Variants in IQSEC2 observed in about 807,000 individuals in gnomAD.
IQSEC2 encodes IQ motif and Sec7 domain ArfGEF 2, also known as IQ motif and SEC7 domain-containing protein 2.
A neutral mutation model predicts 74.6 loss-of-function variants in IQSEC2; 6 were observed. The ratio of observed to expected loss-of-function variants is 0.08; its 90% CI spans 0.04 to 0.16. The LOEUF is 0.16. Among genes scored for constraint, IQSEC2 ranks in the 10% least tolerant of loss-of-function variants. IQSEC2 has a pLI of 1.00. For missense variants in IQSEC2, 734 were observed against 1,306.2 expected (o/e 0.56, Z 6.75); for synonymous variants, 494 against 544.5 (o/e 0.91, Z 1.29).
rs191802124 is a variant in IQSEC2 at position 53,254,659 on chromosome X, G to A, written c.1272C>T (p.His424=). The A allele has an allele frequency of 8.3e-7, 1 of 1,208,768 alleles. No individual in the cohort carries two copies. The highest frequency in any genetic ancestry group is 3.0e-5 in the East Asian group (1 of 33,719). ...CATATGGGAGCCCCCGTTCAAGCCG[G>A]TGGCTCCGGGCACCAGCCATGGCAC... ...DEGAMAGARS[H]RLERGLPYGG... is the part of the protein sequence containing the mutation. Residue 424 remains histidine, a synonymous_variant, in exon 4 of 15, where the codon CAC becomes CAT. Transcript: ENST00000642864.
rs1254056014 is a variant in IQSEC2 at position 53,266,961 on chromosome X, TCA to T, written c.738-10902_738-10901del. 7.0e-6 allele frequency: 8 copies of T among 1,150,923 alleles called. No individual in the cohort carries two copies. The Admixed American group carries it at 1.8e-4, about 26-fold the overall frequency. The allele number at this position is 1,150,923 out of a possible 1,213,427, so 94.8% of individuals were successfully genotyped here. ...TGCATAGAAAATGGCCCTTGTCCTC[TCA>T]GTTACCGAGAGGAGGGACTACTGCA... On this transcript the variant is annotated intron_variant, in intron 2 of 14. Coordinates refer to ENST00000642864, the MANE Select transcript of IQSEC2 (RefSeq NM_001111125.3).
intron 2 of IQSEC2, chrX:53,267,159 G>T: frequency 1.9e-6 from 2 of 1,073,254 alleles, no homozygotes; most frequent in Non-Finnish European, 2.4e-6. Context: ...TACGCGAAGG[G>T]CCAGGACCGG....
At chrX:53,252,032 C>T (rs976030445) in intron 4 of IQSEC2, among the ~76,000 whole-genome samples, 1 of 112,495 alleles carries the variant, frequency 8.9e-6, no homozygotes, top group Non-Finnish European at 1.9e-5. Flanking sequence ...TACACTCCAG[C>T]CTGGCAACAG....
At chrX:53,239,150 C>T (rs2074179758) in intron 11 of IQSEC2, 45 bp downstream of exon 11, 1 of 974,275 alleles carries the variant, frequency 1.0e-6, no homozygotes, top group East Asian at 3.1e-5. Context: ...AGCATGGGGG[C>T]CATGACATAG....
intron 9 of IQSEC2, among the ~76,000 whole-genome samples, chrX:53,242,776 C>T (rs1556861184): frequency 9.0e-6 from 1 of 111,195 alleles, no homozygotes; most frequent in African/African-American, 3.3e-5. Context: ...GCTCTGTGGC[C>T]CCAGGCTGGA....
Position 53,234,789 on chromosome X carries a change from G to A in IQSEC2, c.3897C>T (p.Pro1299=). Residue 1299 remains proline, a synonymous_variant, in exon 15 of 15, where the codon CCC becomes CCT. Coordinates refer to ENST00000642864, the MANE Select transcript of IQSEC2 (RefSeq NM_001111125.3). The part of the protein sequence containing the change: ...SLPPPPQQPP[P]LPQLGSIPPP... ...GTGGAATGGAGCCCAGCTGGGGCAA[G>A]GGTGGGGGCTGCTGGGGAGGTGGGG... The A allele has an allele frequency of 9.0e-7, 1 of 1,116,499 alleles. No individual in the cohort carries two copies. The highest frequency in any genetic ancestry group is 1.2e-6 in the Non-Finnish European group (1 of 846,341). 92.0% of individuals were successfully genotyped at this position (1,116,499 alleles called of 1,213,427 possible).
At chrX:53,264,897 C>T (rs1556867337) in intron 2 of IQSEC2, among the ~76,000 whole-genome samples, 2 of 102,890 alleles carry the variant, frequency 1.9e-5, no homozygotes, top group South Asian at 4.7e-4. Flanking sequence ...ATGGAGAGCT[C>T]GCAGAGGACA....
Position 53,321,152 on chromosome X carries a change from C to G in IQSEC2, c.-29G>C. 1.1e-6 allele frequency: 1 copy of G among 941,461 alleles called. No homozygotes were observed. The highest frequency in any genetic ancestry group is 1.5e-6 in the Non-Finnish European group (1 of 680,760). 77.6% of individuals were successfully genotyped at this position (941,461 alleles called of 1,213,427 possible). ...GGCGGCCCAGGGGCAGGGGAACGGG[C>G]AGGAGAGCCCTGTCCCCGCTCTCTC... On this transcript the variant is annotated 5_prime_UTR_variant, in exon 1 of 15. Transcript: ENST00000642864.
At chrX:53,279,536 T>G in intron 2 of IQSEC2, 1 of 938,895 alleles carries the variant, frequency 1.1e-6, no homozygotes, top group Non-Finnish European at 1.5e-6. Flanking sequence ...GGAGGAGGAA[T>G]TGGGGGAGGG....
chrX:53,305,606 T>C (rs2075253648), intron 1 of IQSEC2, among the ~76,000 whole-genome samples: 1 of 112,253 alleles, frequency 8.9e-6, no homozygotes, highest in Non-Finnish European at 1.9e-5. Context: ...GTTCTTCTCA[T>C]TGTATGGATG....
intron 6 of IQSEC2, 29 bp from the exon 7 acceptor site, chrX:53,248,265 T>C (rs2074337075): frequency 8.3e-7 from 1 of 1,203,630 alleles, no homozygotes; most frequent in East Asian, 3.0e-5. Flanking sequence ...GGTGTGGCGC[T>C]TTCAATTCCT....
At chrX:53,308,433 A>G (rs1348579180) in intron 1 of IQSEC2, among the ~76,000 whole-genome samples, 1 of 111,299 alleles carries the variant, frequency 9.0e-6, no homozygotes, top group Non-Finnish European at 1.9e-5. Flanking sequence ...AATGAGGTAT[A>G]ATTACAGTAC....
intron 2 of IQSEC2, chrX:53,279,257 C>G (rs2074897645): frequency 1.1e-5 from 3 of 264,725 alleles, no homozygotes; most frequent in South Asian, 1.8e-4. Context: ...CTTCCTCAGT[C>G]TATCCAACTG....
chrX:53,289,621 G>C (rs1360311235), intron 2 of IQSEC2, among the ~76,000 whole-genome samples: 1 of 111,196 alleles, frequency 9.0e-6, no homozygotes, highest in Non-Finnish European at 1.9e-5. Context: ...TTTACAAGTA[G>C]GTCCCTACCC....
intron 1 of IQSEC2, among the ~76,000 whole-genome samples, chrX:53,298,079 A>G (rs1325739092): frequency 1.8e-5 from 2 of 111,903 alleles, no homozygotes; most frequent in Non-Finnish European, 1.9e-5. Flanking sequence ...GCAGTGAGCT[A>G]AGATCGCGCC....
rs1602376151 is a variant in IQSEC2 at position 53,314,634 on chromosome X, G to T, written c.707+5783C>A. Reference sequence around the variant, plus strand: ...CAGAAGGCCTGAGTGGGCTAACCAGGGGGGCACACGGGTCAGCCTGGCTGG... The same window carrying T: ...CAGAAGGCCTGAGTGGGCTAACCAGTGGGGCACACGGGTCAGCCTGGCTGG... On this transcript the variant is annotated intron_variant, in intron 1 of 14. Coordinates refer to ENST00000642864, the MANE Select transcript of IQSEC2 (RefSeq NM_001111125.3). Among the ~76,000 whole-genome samples, 4 of 111,777 alleles carry T rather than the reference G, an allele frequency of 3.6e-5. 1 individual carries two copies. The Admixed American group carries it at 3.8e-4, about 11-fold the overall frequency.
rs782436318 is a variant in IQSEC2, at chrX:53,241,992, G to C, written c.2890-83C>G. On this transcript the variant is annotated intron_variant, in intron 9 of 14. Coordinates refer to ENST00000642864, the MANE Select transcript of IQSEC2 (RefSeq NM_001111125.3). ...CTGGCACCTTAACTTTCAACCGCAA[G>C]AAGTTTACCACTCATACATGTGTGT... is the stretch of plus-strand genomic sequence containing the variant. 1.0e-4 allele frequency: 110 copies of C among 1,097,225 alleles called. No homozygotes were observed. In the South Asian group the frequency reaches 1.9e-3, roughly 19 times the overall value. The allele number at this position is 1,097,225 out of a possible 1,213,427, so 90.4% of individuals were successfully genotyped here.
chrX:53,266,796 G>C, intron 2 of IQSEC2: 1 of 1,059,924 alleles, frequency 9.4e-7, no homozygotes, highest in Non-Finnish European at 1.2e-6. Context: ...AGTGGGGATG[G>C]GAATTCCAAG....
chrX:53,248,915 G>A (rs1556862654), intron 5 of IQSEC2, 33 bp from the exon 6 acceptor site: 2 of 1,187,203 alleles, frequency 1.7e-6, no homozygotes, highest in East Asian at 6.0e-5. Flanking sequence ...TGAGATGACT[G>A]TCCTCCTGGA....
Sources: gnomAD v4.1 joint callset for allele counts (sites outside exome capture counted in the v4.1 genomes callset) on GRCh38, gnomAD v4.1.1 for gene constraint, MANE v1.5 for transcripts, NCBI Gene and HGNC (gene_info 2026-07-23, HGNC 2026-07-21) for gene names.